The following ADAMTS6 variants were observed in gnomAD, a reference collection of about 807,000 sequenced individuals.
ADAMTS6 encodes the protein A disintegrin and metalloproteinase with thrombospondin motifs 6.
In ADAMTS6, 23 loss-of-function variants were observed where a neutral mutation model predicts 144.3. The observed-to-expected ratio is 0.16, with a 90% CI of 0.11 to 0.23. The LOEUF (loss-of-function observed/expected upper bound fraction) is 0.23, where lower values mean the gene tolerates loss of function less well. Ranked by LOEUF, ADAMTS6 falls within the 10% of genes least tolerant of loss-of-function variation. ADAMTS6 has a pLI of 1.00. For synonymous variants in ADAMTS6, 444 were observed against 457.5 expected, an observed-to-expected ratio of 0.97 and a Z score of 0.38; for missense variants, 999 against 1,379.6, an observed-to-expected ratio of 0.72 and a Z score of 4.37.
At chr5:65,224,267 T>G (rs1481569249) in intron 18 of ADAMTS6, 53 bp downstream of exon 18, 1 of 1,467,564 alleles carries the variant, frequency 6.8e-7, no homozygotes, top group African/African-American at 1.4e-5. Flanking sequence ...ACTGTGCTAC[T>G]TTTCCTCATT....
In ADAMTS6 at chr5:65,334,569, G is replaced by T. The variant is rs1411873366; in HGVS notation, c.1074-484C>A. On this transcript the variant is annotated intron_variant, in intron 7 of 24. Coordinates refer to ENST00000381055, the MANE Select transcript of ADAMTS6 (RefSeq NM_197941.4). ...CACAGGTTCTTGTTAAAGAAAAAAA[G>T]ATATTGTAATACAACAATGGGAATA... 2.0e-5 allele frequency among the ~76,000 whole-genome samples: 3 copies of T among 152,122 alleles called. No individual in the cohort carries two copies. In the East Asian group the frequency reaches 5.8e-4, roughly 29 times the overall value.
chr5:65,333,050 C>T (rs955804215), intron 8 of ADAMTS6, among the ~76,000 whole-genome samples: 14 of 152,088 alleles, frequency 9.2e-5, no homozygotes, highest in African/African-American at 2.9e-4. Flanking sequence ...TAACACTTTT[C>T]CTCCTACAAC....
chr5:65,313,465 T>A (rs1744701000), intron 9 of ADAMTS6, among the ~76,000 whole-genome samples: 2 of 152,052 alleles, frequency 1.3e-5, no homozygotes, highest in Non-Finnish European at 2.9e-5. Flanking sequence ...TTTATTTATG[T>A]GTGTGAATTC....
chr5:65,173,073 T>A, intron 22 of ADAMTS6, 65 bp from the exon 23 acceptor site: 4 of 1,472,396 alleles, frequency 2.7e-6, no homozygotes, highest in African/African-American at 1.4e-5. Context: ...TTGAAGAAAG[T>A]CTTTCTTCAT....
At chr5:65,397,079 C>T (rs1380306943) in intron 7 of ADAMTS6, among the ~76,000 whole-genome samples, 2 of 152,152 alleles carry the variant, frequency 1.3e-5, no homozygotes, top group Admixed American at 6.6e-5. Context: ...CTGTGTCTTT[C>T]AAGGAATTAG....
intron 7 of ADAMTS6, among the ~76,000 whole-genome samples, chr5:65,393,845 A>G (rs1753117929): frequency 6.6e-6 from 1 of 152,250 alleles, no homozygotes; most frequent in South Asian, 2.1e-4. Context: ...AGAGGATATA[A>G]AAAGAGGAGT....
rs1366327610 is a variant in ADAMTS6 at position 65,188,087 on chromosome 5, G to T, written c.2839C>A (p.Arg947=). 1 of 1,613,970 alleles carries T rather than the reference G, an allele frequency of 6.2e-7. No homozygotes were observed. The highest frequency in any genetic ancestry group is 1.1e-5 in the South Asian group (1 of 91,082). The change falls in exon 22 of 25, where the codon CGG becomes AGG. Residue 947 remains arginine, a synonymous_variant. Transcript: ENST00000381055. ...TLDYSGCLTH[R]PVEKEPCNNQ... is the part of the protein sequence containing the mutation. Reference sequence around the variant, plus strand: ...TTGCAGGGCTCTTTTTCGACAGGCCGGTGTGTTAAACAACCACTGTAGTCC... The same window carrying T: ...TTGCAGGGCTCTTTTTCGACAGGCCTGTGTGTTAAACAACCACTGTAGTCC...
chr5:65,297,462 C>T lies in ADAMTS6; in HGVS notation c.1370+2523G>A, dbSNP rs139766516. Among the ~76,000 whole-genome samples, 534 of 152,224 alleles carry T rather than the reference C, an allele frequency of 3.5e-3. 3 individuals carry two copies. Among genetic ancestry groups the T allele is most frequent in the African/African-American group, 0.012 (505 of 41,546 alleles). ...CAGCTACTAAGTAGAGAAAGGTATG[C>T]GTTTTGTTGGCTGGGCTGCAGTTCC... On this transcript the variant is annotated intron_variant, in intron 10 of 24. Coordinates refer to ENST00000381055, the MANE Select transcript of ADAMTS6 (RefSeq NM_197941.4).
At chr5:65,275,857 A>G (rs1762489696) in intron 11 of ADAMTS6, among the ~76,000 whole-genome samples, 1 of 152,072 alleles carries the variant, frequency 6.6e-6, no homozygotes, top group Admixed American at 6.5e-5. Context: ...GTTCATAAAA[A>G]CAGAGGACCA....
intron 7 of ADAMTS6, among the ~76,000 whole-genome samples, chr5:65,442,654 G>T (rs948247368): frequency 3.3e-5 from 5 of 151,966 alleles, no homozygotes; most frequent in Non-Finnish European, 5.9e-5. Context: ...TACAATTTTG[G>T]AAAATGACAT....
Position 65,187,699 on chromosome 5 carries a change from C to T in ADAMTS6, c.2910+317G>A, listed in dbSNP as rs140478236. 6.0e-4 allele frequency among the ~76,000 whole-genome samples: 91 copies of T among 152,232 alleles called. No homozygotes were observed. The East Asian group carries it at 0.017, about 28-fold the overall frequency. On this transcript the variant is annotated intron_variant, in intron 22 of 24. Transcript: ENST00000381055. The stretch of plus-strand genomic sequence containing the variant: ...AACTTCAATTTTTAATCATGTATCG[C>T]AAATTCTAAACTTGTGATGTGCTCA...
chr5:65,179,327 G>T (rs560485944), intron 22 of ADAMTS6, among the ~76,000 whole-genome samples: 1 of 152,268 alleles, frequency 6.6e-6, no homozygotes, highest in South Asian at 2.1e-4. Context: ...TGTAGCCCAG[G>T]AAATGACCAA....
intron 20 of ADAMTS6, among the ~76,000 whole-genome samples, chr5:65,203,220 T>C (rs1755856710): frequency 6.6e-6 from 1 of 152,110 alleles, no homozygotes; most frequent in African/African-American, 2.4e-5. Flanking sequence ...ATATAAAGAA[T>C]TAAATCATGC....
chr5:65,407,637 C>G (rs1192598296), intron 7 of ADAMTS6, among the ~76,000 whole-genome samples: 1 of 151,800 alleles, frequency 6.6e-6, no homozygotes. Flanking sequence ...TGGTTTCCAG[C>G]TTCATCCATG....
At chr5:65,164,252 G>T (rs543885596) in intron 24 of ADAMTS6, among the ~76,000 whole-genome samples, 1 of 152,014 alleles carries the variant, frequency 6.6e-6, no homozygotes, top group South Asian at 2.1e-4. Context: ...CCCTTTCCGA[G>T]TCAAAGAAAG....
intron 24 of ADAMTS6, among the ~76,000 whole-genome samples, chr5:65,166,965 T>G (rs1753207827): frequency 7.0e-6 from 1 of 143,822 alleles, no homozygotes; most frequent in Non-Finnish European, 1.5e-5. Context: ...ACATCACAAT[T>G]AAAAGAACTA....
intron 3 of ADAMTS6, among the ~76,000 whole-genome samples, chr5:65,469,222 T>C (rs1294247224): frequency 6.6e-6 from 1 of 152,216 alleles, no homozygotes; most frequent in Non-Finnish European, 1.5e-5. Flanking sequence ...TCAAATTCAT[T>C]CTGTCTTCTT....
At chr5:65,375,621 A>C (rs62370671) in intron 7 of ADAMTS6, among the ~76,000 whole-genome samples, 15 of 151,526 alleles carry the variant, frequency 9.9e-5, no homozygotes, top group Non-Finnish European at 1.3e-4. Context: ...ACAGGGGCTG[A>C]AGAAGATGTG....
chr5:65,237,097 A>G (rs1375470466), intron 15 of ADAMTS6, among the ~76,000 whole-genome samples: 1 of 152,056 alleles, frequency 6.6e-6, no homozygotes, highest in African/African-American at 2.4e-5. Flanking sequence ...GACACAAAAT[A>G]AAAAACTGAA....
Sources: allele counts gnomAD v4.1 joint callset (sites outside exome capture counted in the v4.1 genomes callset), GRCh38; gene constraint gnomAD v4.1.1; transcripts MANE v1.5; gene names NCBI Gene and HGNC (gene_info 2026-07-23, HGNC 2026-07-21).